Variants in RNF144A observed in about 807,000 individuals in gnomAD.
The protein encoded by RNF144A is E3 ubiquitin-protein ligase RNF144A.
Under a neutral mutation model 38.7 loss-of-function variants are expected in RNF144A, and 11 were observed. The ratio of observed to expected loss-of-function variants is 0.28; its 90% CI spans 0.18 to 0.47. RNF144A has a LOEUF of 0.47. Among genes scored for constraint, RNF144A ranks in the 20% least tolerant of loss-of-function variants. The pLI is 0.99. For synonymous variants in RNF144A, 149 were observed against 143.9 expected, an observed-to-expected ratio of 1.04 and a Z score of -0.25; for missense variants, 316 against 377.2, an observed-to-expected ratio of 0.84 and a Z score of 1.34.
intron 7 of RNF144A, among the ~76,000 whole-genome samples, chr2:7,028,543 C>T (rs1057278163): frequency 1.3e-5 from 2 of 152,184 alleles, no homozygotes; most frequent in African/African-American, 4.8e-5. Flanking sequence ...GGGTAGTACA[C>T]AGGATTTGGT....
intron 3 of RNF144A, among the ~76,000 whole-genome samples, chr2:7,000,545 A>T (rs1239839475): frequency 6.6e-6 from 1 of 152,220 alleles, no homozygotes; most frequent in Non-Finnish European, 1.5e-5. Flanking sequence ...TCTGTCTTAT[A>T]CTTGTGGCAT....
At chr2:6,935,365 TC>T (rs1232672210) in intron 1 of RNF144A, among the ~76,000 whole-genome samples, 3 of 152,218 alleles carry the variant, frequency 2.0e-5, no homozygotes, top group African/African-American at 7.2e-5. Context: ...ACATCTAGCA[TC>T]CCATTCTGAG....
chr2:6,982,034 G>A (rs1050602922), intron 2 of RNF144A, among the ~76,000 whole-genome samples: 3 of 152,078 alleles, frequency 2.0e-5, no homozygotes, highest in African/African-American at 4.8e-5. Flanking sequence ...TAAAACCATC[G>A]GATCTCGTGA....
chr2:6,951,283 T>G lies in RNF144A; in HGVS notation c.-12+10136T>G, dbSNP rs995026842. On this transcript the variant is annotated intron_variant, in intron 2 of 8. Transcript: ENST00000320892. ...CATGTTTCCATGTATTCATGTTTTTTTTTTTTTCTCTGTCTCCTTTATTAA... is the reference window on the plus strand; with the variant it reads ...CATGTTTCCATGTATTCATGTTTTTGTTTTTTTCTCTGTCTCCTTTATTAA... 2.0e-5 allele frequency among the ~76,000 whole-genome samples: 3 copies of G among 152,186 alleles called. No individual in the cohort carries two copies. In the East Asian group the frequency reaches 5.8e-4, roughly 29 times the overall value.
In RNF144A at chr2:6,962,539, C is replaced by T. The variant is rs1014718290; in HGVS notation, c.-12+21392C>T. Among the ~76,000 whole-genome samples, 2 of 152,162 alleles carry T rather than the reference C, an allele frequency of 1.3e-5. No individual in the cohort carries two copies. Among genetic ancestry groups the T allele is most frequent in the African/African-American group, 4.8e-5 (2 of 41,436 alleles). Reference sequence around the variant, plus strand: ...TTTTTGATCTCATAATTTCTTTCTACCTCCCATATCAAAACTTTGTGCTAT... The same window carrying T: ...TTTTTGATCTCATAATTTCTTTCTATCTCCCATATCAAAACTTTGTGCTAT... On this transcript the variant is annotated intron_variant, in intron 2 of 8. Coordinates refer to ENST00000320892, the MANE Select transcript of RNF144A (RefSeq NM_014746.6). This position sits in a 1 kb window ranked among gnomAD's most constrained non-coding sequence, Gnocchi z 4.1.
chr2:7,075,361 C>A, the RNF144A span, among the ~76,000 whole-genome samples: 2 of 150,334 alleles, frequency 1.3e-5, no homozygotes, highest in Non-Finnish European at 3.0e-5. Flanking sequence ...GTGAATAAGG[C>A]TAAAGTGTTA....
At position 6,943,234 on chromosome 2, in the gene RNF144A, G is replaced by T. The variant is rs1260029313; in HGVS notation, c.-12+2087G>T. Among the ~76,000 whole-genome samples, 1 of 152,204 alleles carries T rather than the reference G, an allele frequency of 6.6e-6. No homozygotes were observed. Among genetic ancestry groups the T allele is most frequent in the Non-Finnish European group, 1.5e-5 (1 of 68,040 alleles). ...GGGCCCTGGGGCATTCTAGCTTCAT[G>T]AGGAGCAGAAGAGGACAAGCCAGCA... On this transcript the variant is annotated intron_variant, in intron 2 of 8. Coordinates refer to ENST00000320892, the MANE Select transcript of RNF144A (RefSeq NM_014746.6). The surrounding 1 kb of genome is among the most constrained non-coding windows in gnomAD (Gnocchi z 4.3).
intron 1 of RNF144A, among the ~76,000 whole-genome samples, chr2:6,925,924 T>C (rs1049762615): frequency 6.6e-6 from 1 of 152,346 alleles, no homozygotes; most frequent in African/African-American, 2.4e-5. Flanking sequence ...CACATATATA[T>C]GTACCAGTAT....
chr2:7,020,655 A>T lies in RNF144A; in HGVS notation c.484A>T (p.Ile162Phe). Residue 162 changes from isoleucine (I) to phenylalanine (F), a missense_variant, in exon 6 of 9, where the codon ATC (isoleucine) becomes TTC (phenylalanine). Ile to Phe is a conservative substitution (Grantham distance 21). Transcript: ENST00000320892. ...PGQGCPETMP[I>F]TFLPGETSAA... ...CCAGGGCTGCCCGGAGACCATGCCG[A>T]TCACCTTCCTCCCCGGGGAGACCAG... is the stretch of plus-strand genomic sequence containing the variant. The T allele has an allele frequency of 6.2e-7, 1 of 1,605,414 alleles. No individual in the cohort carries two copies. The highest frequency in any genetic ancestry group is 1.1e-5 in the South Asian group (1 of 91,080).
chr2:7,001,071 G>A (rs1004981904), intron 3 of RNF144A, among the ~76,000 whole-genome samples: 2 of 151,860 alleles, frequency 1.3e-5, no homozygotes, highest in East Asian at 1.9e-4. Context: ...AGGCTGAGGC[G>A]GGTGGATCAC....
downstream of RNF144A, among the ~76,000 whole-genome samples, chr2:7,070,665 G>A (rs1439332094): frequency 3.3e-5 from 5 of 152,120 alleles, no homozygotes; most frequent in Non-Finnish European, 5.9e-5. Flanking sequence ...AGGGAGATCT[G>A]GACACATACA....
chr2:7,034,585 C>T (rs1400196368), intron 8 of RNF144A, among the ~76,000 whole-genome samples: 1 of 152,324 alleles, frequency 6.6e-6, no homozygotes, highest in East Asian at 1.9e-4. Context: ...GTGAAGGACA[C>T]CTGGTAGCAC....
At chr2:6,939,626 A>G (rs1400417743) in intron 1 of RNF144A, among the ~76,000 whole-genome samples, 1 of 152,174 alleles carries the variant, frequency 6.6e-6, no homozygotes, top group East Asian at 1.9e-4. Flanking sequence ...TTAGCACCAT[A>G]TTTAAGAAAC....
At chr2:6,921,487 A>G (rs899545479) in intron 1 of RNF144A, among the ~76,000 whole-genome samples, 1 of 152,240 alleles carries the variant, frequency 6.6e-6, no homozygotes, top group Non-Finnish European at 1.5e-5. Context: ...GCACAGGCGT[A>G]TGTTGCTATC....
chr2:7,061,437 T>G (rs1411077782), intron 6 of RNF144A, among the ~76,000 whole-genome samples: 2 of 152,234 alleles, frequency 1.3e-5, no homozygotes, highest in South Asian at 4.1e-4. Context: ...AATCATATTC[T>G]GAGGGAAAAT....
chr2:6,972,861 C>A (rs934251521), intron 2 of RNF144A, among the ~76,000 whole-genome samples: 1 of 152,156 alleles, frequency 6.6e-6, no homozygotes, highest in African/African-American at 2.4e-5. Flanking sequence ...AAGGTGCATG[C>A]CCTCTAACAG....
intron 6 of RNF144A, among the ~76,000 whole-genome samples, chr2:7,053,972 C>T (rs1335534798): frequency 1.3e-5 from 2 of 152,346 alleles, no homozygotes; most frequent in South Asian, 4.1e-4. Flanking sequence ...AGAGCTTGTC[C>T]ATCTTGTAGA....
chr2:6,952,527 A>G (rs1207502630), intron 2 of RNF144A, among the ~76,000 whole-genome samples: 2 of 150,914 alleles, frequency 1.3e-5, no homozygotes, highest in African/African-American at 2.4e-5. Context: ...TTTCTAATCA[A>G]TTTTTTTCAA....
intron 6 of RNF144A, among the ~76,000 whole-genome samples, chr2:7,023,241 G>A (rs915637584): frequency 1.3e-5 from 2 of 152,108 alleles, no homozygotes; most frequent in Non-Finnish European, 2.9e-5. Context: ...ACGTTCAGTT[G>A]GAATGTGCAC....
Sources: gnomAD v4.1 joint callset for allele counts (sites outside exome capture counted in the v4.1 genomes callset) on GRCh38, gnomAD v4.1.1 for gene constraint, Gnocchi (gnomAD v3.1) non-coding constraint, MANE v1.5 for transcripts, NCBI Gene and HGNC (gene_info 2026-07-23, HGNC 2026-07-21) for gene names.